IGSF21: variants seen among roughly 807,000 people sequenced by gnomAD.
The protein encoded by IGSF21 is immunoglobulin superfamily member 21.
A neutral mutation model predicts 46.8 loss-of-function variants in IGSF21; 28 were observed. The observed-to-expected ratio is 0.60, with a 90% CI of 0.44 to 0.82. The LOEUF is 0.82. IGSF21 is among the 40% of genes least tolerant of loss of function. The pLI is 0.00. For synonymous variants in IGSF21, 284 were observed against 273.6 expected (o/e 1.04, Z -0.38); for missense variants, 624 against 665.5 (o/e 0.94, Z 0.69).
Position 18,334,979 on chromosome 1 carries a change from G to C in IGSF21, c.393G>C (p.Leu131=). 6.2e-7 allele frequency: 1 copy of C among 1,614,154 alleles called. No individual in the cohort carries two copies. The highest frequency in any genetic ancestry group is 1.7e-5 in the Admixed American group (1 of 60,036). ...GCGCCACCAGGGAGAAGGTGGTCCT[G>C]GCATCAGGCAACATCTTCCTCAACG... The part of the protein sequence containing the change: ...YDRATREKVV[L]ASGNIFLNVM... The change falls in exon 4 of 10, where the codon CTG becomes CTC. Residue 131 remains leucine (L), a synonymous_variant. Transcript: ENST00000251296. The surrounding 1 kb of genome is among the most constrained non-coding windows in gnomAD (Gnocchi z 4.3).
intron 1 of IGSF21, among the ~76,000 whole-genome samples, chr1:18,221,820 T>C (rs753755443): frequency 6.6e-6 from 1 of 151,998 alleles, no homozygotes; most frequent in African/African-American, 2.4e-5. Flanking sequence ...GAGTAATTGG[T>C]GGATTTGCTT....
intron 1 of IGSF21, among the ~76,000 whole-genome samples, chr1:18,149,722 G>T (rs371593868): frequency 2.0e-5 from 3 of 151,976 alleles, no homozygotes; most frequent in Non-Finnish European, 4.4e-5. Flanking sequence ...TGGCTTCACT[G>T]ATCCATCTCT....
At chr1:18,172,828 T>C (rs10907288) in intron 1 of IGSF21, among the ~76,000 whole-genome samples, 46,736 of 151,964 alleles carry the variant, frequency 0.31, 8,603 homozygotes, top group African/African-American at 0.52. Flanking sequence ...ATCACATCAC[T>C]TGCAAGGGGC....
chr1:18,259,000 C>T (rs2084916723), intron 2 of IGSF21, among the ~76,000 whole-genome samples: 1 of 152,206 alleles, frequency 6.6e-6, no homozygotes, highest in South Asian at 2.1e-4. Context: ...CTCCCTTTGG[C>T]CTCTGCTGGG....
Position 18,365,460 on chromosome 1 carries a change from C to A in IGSF21, c.778C>A (p.Pro260Thr). 1 of 1,614,110 alleles carries A rather than the reference C, an allele frequency of 6.2e-7. No individual in the cohort carries two copies. The highest frequency in any genetic ancestry group is 8.5e-7 in the Non-Finnish European group (1 of 1,180,016). The change falls in exon 6 of 10, where the codon CCA (proline) becomes ACA (threonine). Residue 260 changes from proline to threonine, a missense_variant. Coordinates refer to ENST00000251296, the MANE Select transcript of IGSF21 (RefSeq NM_032880.5). This position sits in a 1 kb window ranked among gnomAD's most constrained non-coding sequence, Gnocchi z 4.8. Reference protein sequence around the residue: ...LTPDPNILLQPTTENIPETVV... With the variant: ...LTPDPNILLQTTTENIPETVV... Reference sequence around the variant, plus strand: ...CCCAGATCCCAACATCCTCCTCCAGCCAACCACAGAGAACATACCAGAGAC... The same window carrying A: ...CCCAGATCCCAACATCCTCCTCCAGACAACCACAGAGAACATACCAGAGAC...
rs184045851 is a variant in IGSF21, at chr1:18,289,902, C to T, written c.184-1964C>T. On this transcript the variant is annotated intron_variant, in intron 2 of 9. Coordinates refer to ENST00000251296, the MANE Select transcript of IGSF21 (RefSeq NM_032880.5). ...CTGTAAAAAAGTCAAATGGGTGAGG[C>T]GGGGATGGGAAGAGGGTGCATGGAG... 6.8e-4 allele frequency among the ~76,000 whole-genome samples: 103 copies of T among 152,200 alleles called. No individual in the cohort carries two copies. The South Asian group carries it at 8.9e-3, about 13-fold the overall frequency.
At chr1:18,234,249 A>G (rs1207458524) in intron 2 of IGSF21, among the ~76,000 whole-genome samples, 1 of 152,208 alleles carries the variant, frequency 6.6e-6, no homozygotes, top group Admixed American at 6.5e-5. Flanking sequence ...AGCCAACCCA[A>G]CTTGCCTTGT....
chr1:18,154,899 A>T (rs925609272), intron 1 of IGSF21, among the ~76,000 whole-genome samples: 1 of 151,666 alleles, frequency 6.6e-6, no homozygotes, highest in African/African-American at 2.4e-5. Flanking sequence ...AATCTGGAAA[A>T]ATCCTGGAGG....
chr1:18,329,897 G>C lies in IGSF21; in HGVS notation c.306-4995G>C, dbSNP rs117449930. Among the ~76,000 whole-genome samples, 238 of 152,330 alleles carry C rather than the reference G, an allele frequency of 1.6e-3. 3 individuals carry two copies. The East Asian group carries it at 0.021, about 13-fold the overall frequency. Reference sequence around the variant, plus strand: ...TACCTAGTGAAGGCATGCAGGTCACGGGGCATGCAGCATCCGCCCTCGCTG... The same window carrying C: ...TACCTAGTGAAGGCATGCAGGTCACCGGGCATGCAGCATCCGCCCTCGCTG... On this transcript the variant is annotated intron_variant, in intron 3 of 9. Coordinates refer to ENST00000251296, the MANE Select transcript of IGSF21 (RefSeq NM_032880.5).
chr1:18,251,531 GC>G (rs2084841841), intron 2 of IGSF21, among the ~76,000 whole-genome samples: 1 of 152,158 alleles, frequency 6.6e-6, no homozygotes, highest in African/African-American at 2.4e-5. Flanking sequence ...TCCAAAGGGG[GC>G]ACAAAACCAA....
At chr1:18,328,351 A>G (rs752929687) in intron 3 of IGSF21, among the ~76,000 whole-genome samples, 2 of 152,228 alleles carry the variant, frequency 1.3e-5, no homozygotes, top group Non-Finnish European at 2.9e-5. Context: ...AGAGCTGAGT[A>G]TCTCATGGAA....
At chr1:18,148,129 C>CTTTTTT (rs58426436) in intron 1 of IGSF21, among the ~76,000 whole-genome samples, 12 of 108,320 alleles carry the variant, frequency 1.1e-4, no homozygotes, top group Non-Finnish European at 1.4e-4. Flanking sequence ...CAAGTATGTC[C>CTTTTTT]TTTTTTTTTT....
intron 4 of IGSF21, among the ~76,000 whole-genome samples, chr1:18,347,039 G>A (rs61537477): frequency 6.6e-6 from 1 of 152,216 alleles, no homozygotes; most frequent in African/African-American, 2.4e-5. Flanking sequence ...CCAGACAGAT[G>A]GGTTTGGGGC....
At chr1:18,233,626 A>G (rs2084647936) in intron 2 of IGSF21, among the ~76,000 whole-genome samples, 1 of 152,172 alleles carries the variant, frequency 6.6e-6, no homozygotes, top group Non-Finnish European at 1.5e-5. Flanking sequence ...AATGATAGCT[A>G]TTGTCATTTC....
At chr1:18,143,517 A>G (rs1321936131) in intron 1 of IGSF21, among the ~76,000 whole-genome samples, 1 of 152,024 alleles carries the variant, frequency 6.6e-6, no homozygotes, top group Non-Finnish European at 1.5e-5. Context: ...TGGGTTTCTA[A>G]TCCTCGCTTT....
At chr1:18,163,987 T>C (rs1335227912) in intron 1 of IGSF21, among the ~76,000 whole-genome samples, 1 of 152,212 alleles carries the variant, frequency 6.6e-6, no homozygotes, top group African/African-American at 2.4e-5. Context: ...ATTTGGTGAA[T>C]TACTGGACCA....
At chr1:18,367,830 C>T (rs2086183761) in intron 6 of IGSF21, among the ~76,000 whole-genome samples, 1 of 151,540 alleles carries the variant, frequency 6.6e-6, no homozygotes, top group Non-Finnish European at 1.5e-5. Context: ...GTCTCAAACT[C>T]CCAACCTCAG....
chr1:18,318,987 A>G (rs1387136059), intron 3 of IGSF21, among the ~76,000 whole-genome samples: 1 of 151,980 alleles, frequency 6.6e-6, no homozygotes, highest in Non-Finnish European at 1.5e-5. Flanking sequence ...CATCCACACC[A>G]CTCTGTATTG....
chr1:18,328,109 T>G (rs1435190602), intron 3 of IGSF21, among the ~76,000 whole-genome samples: 1 of 152,098 alleles, frequency 6.6e-6, no homozygotes, highest in Non-Finnish European at 1.5e-5. Flanking sequence ...AGAGAAAAGG[T>G]GTCTTTATAG....
Sources: allele counts gnomAD v4.1 joint callset (sites outside exome capture counted in the v4.1 genomes callset), GRCh38; gene constraint gnomAD v4.1.1; non-coding constraint Gnocchi (gnomAD v3.1); transcripts MANE v1.5; gene names NCBI Gene and HGNC (gene_info 2026-07-23, HGNC 2026-07-21).